TEKTL1: variants seen among roughly 807,000 people sequenced by gnomAD.
The protein encoded by TEKTL1 is tektin-like protein 1.
At chr19:15,011,451 C>A in the TEKTL1 span, 1 of 1,341,540 alleles carries the variant, frequency 7.5e-7, no homozygotes, top group Non-Finnish European at 9.7e-7. Context: ...GAGGCCTCCG[C>A]TATGCGGTGT....
chr19:15,014,738 C>CGGGGGGGGGGGGG, the TEKTL1 span, among the ~76,000 whole-genome samples: 2 of 29,812 alleles, frequency 6.7e-5, no homozygotes, highest in African/African-American at 2.6e-4. Context: ...GGGCGGGGGG[C>CGGGGGGGGGGGGG]GGGGGCTGCT....
At chr19:15,020,124 A>G in the TEKTL1 span, among the ~76,000 whole-genome samples, 1 of 151,834 alleles carries the variant, frequency 6.6e-6, no homozygotes, top group Non-Finnish European at 1.5e-5. Context: ...CCTAGACAAC[A>G]TAGTCAGACC....
chr19:15,018,715 A>AATATAT, the TEKTL1 span, among the ~76,000 whole-genome samples: 11 of 68,298 alleles, frequency 1.6e-4, 3 homozygotes, highest in Non-Finnish European at 3.7e-4. Flanking sequence ...CCTATCTCAA[A>AATATAT]ATATGTATAT....
chr19:15,017,680 G>T, the TEKTL1 span, among the ~76,000 whole-genome samples: 1 of 152,124 alleles, frequency 6.6e-6, no homozygotes. Flanking sequence ...CCATGTTACA[G>T]TGGGGAAATG....
the TEKTL1 span, chr19:15,010,889 C>T: frequency 6.4e-7 from 1 of 1,564,148 alleles, no homozygotes; most frequent in Non-Finnish European, 8.6e-7. Context: ...CCCAGCATGG[C>T]GCGAGGCAGC....
the TEKTL1 span, among the ~76,000 whole-genome samples, chr19:15,018,066 G>A: frequency 1.3e-5 from 2 of 152,210 alleles, no homozygotes; most frequent in East Asian, 1.9e-4. Context: ...AATGGAGTGA[G>A]GAAGGAAACC....
the TEKTL1 span, chr19:15,022,803 C>T: frequency 1.3e-6 from 2 of 1,491,470 alleles, no homozygotes; most frequent in Non-Finnish European, 1.8e-6. Context: ...ACACCTGGCG[C>T]AGGTGTGCCT....
the TEKTL1 span, among the ~76,000 whole-genome samples, chr19:15,022,368 G>A: frequency 2.0e-5 from 3 of 151,922 alleles, no homozygotes; most frequent in Non-Finnish European, 2.9e-5. Flanking sequence ...TCGCTCTGTC[G>A]CCCAGGCTGG....
At chr19:15,020,657 C>G in the TEKTL1 span, 4 of 1,612,272 alleles carry the variant, frequency 2.5e-6, no homozygotes, top group South Asian at 4.4e-5. Flanking sequence ...ACCTATAACC[C>G]AGGTAGGAGT....
chr19:15,012,409 A>T, the TEKTL1 span, among the ~76,000 whole-genome samples: 7 of 151,962 alleles, frequency 4.6e-5, 1 homozygote, highest in South Asian at 1.0e-3. Context: ...ACCAAAGTTT[A>T]AAAAAAATAG....
the TEKTL1 span, among the ~76,000 whole-genome samples, chr19:15,014,726 G>GGGGC: frequency 7.9e-6 from 1 of 126,516 alleles, no homozygotes; most frequent in South Asian, 3.3e-4. Context: ...GACTCAGTGG[G>GGGGC]GGGGCGGGGG....
chr19:15,021,898 G>T, the TEKTL1 span: 1 of 1,613,776 alleles, frequency 6.2e-7, no homozygotes, highest in Non-Finnish European at 8.5e-7. Context: ...CCCAACTCCC[G>T]GAGGCTGCGC....
chr19:15,021,215 G>A, the TEKTL1 span: 19 of 1,068,144 alleles, frequency 1.8e-5, no homozygotes, highest in East Asian at 7.8e-5. Flanking sequence ...ACTATCCCCC[G>A]CGCCCCCTGG....
At chr19:15,016,228 A>G in the TEKTL1 span, among the ~76,000 whole-genome samples, 1 of 112,596 alleles carries the variant, frequency 8.9e-6, no homozygotes, top group African/African-American at 3.6e-5. Flanking sequence ...TCTATTGCCC[A>G]GGCTGGAGTG....
the TEKTL1 span, chr19:15,011,093 G>A: frequency 1.9e-6 from 3 of 1,569,142 alleles, no homozygotes; most frequent in Non-Finnish European, 2.6e-6. Flanking sequence ...GCCGCCGCCA[G>A]GCGAGGGCGT....
chr19:15,022,145 C>T, the TEKTL1 span, among the ~76,000 whole-genome samples: 1 of 152,088 alleles, frequency 6.6e-6, no homozygotes, highest in Non-Finnish European at 1.5e-5. Context: ...CCCTGTCCTC[C>T]CCCCTCACAC....
the TEKTL1 span, chr19:15,021,500 GCGAGA>G: frequency 6.2e-7 from 1 of 1,614,076 alleles, no homozygotes; most frequent in African/African-American, 1.3e-5. Flanking sequence ...CAGAAGGCGA[GCGAGA>G]CCTTGGAGCT....
the TEKTL1 span, among the ~76,000 whole-genome samples, chr19:15,016,185 CTTTT>C: frequency 2.3e-3 from 156 of 66,746 alleles, 1 homozygote; most frequent in South Asian, 6.6e-3. Context: ...GACAGCTGTC[CTTTT>C]TTTTTTTTTT....
the TEKTL1 span, among the ~76,000 whole-genome samples, chr19:15,014,258 AG>A: frequency 6.6e-6 from 1 of 152,174 alleles, no homozygotes; most frequent in African/African-American, 2.4e-5. Flanking sequence ...GCACAAATTA[AG>A]GGGGAAGAGC....
Sources: allele counts gnomAD v4.1 joint callset (sites outside exome capture counted in the v4.1 genomes callset), GRCh38; gene constraint gnomAD v4.1.1; transcripts MANE v1.5; gene names NCBI Gene and HGNC (gene_info 2026-07-23, HGNC 2026-07-21).